The following WWP1 variants were observed in gnomAD, a reference collection of about 807,000 sequenced individuals.
WWP1 encodes the protein NEDD4-like E3 ubiquitin-protein ligase WWP1.
In WWP1, 49 loss-of-function variants were observed where a neutral mutation model predicts 130.6. That is an observed-to-expected ratio of 0.38 (90% CI 0.30 to 0.48). The LOEUF is 0.48. WWP1 is among the 20% of genes least tolerant of loss of function. The probability of loss-of-function intolerance (pLI) is 0.99; values close to 1 mark genes in which losing one functional copy is unlikely to be tolerated. For missense variants in WWP1, 809 were observed against 1,100.6 expected, an observed-to-expected ratio of 0.74 and a Z score of 3.75; for synonymous variants, 332 against 367.8, an observed-to-expected ratio of 0.90 and a Z score of 1.11.
intron 9 of WWP1, among the ~76,000 whole-genome samples, chr8:86,416,325 C>T (rs1458805459): frequency 1.3e-5 from 2 of 152,218 alleles, no homozygotes; most frequent in African/African-American, 4.8e-5. Flanking sequence ...ACATACAGAA[C>T]TGAGGGGTAG....
chr8:86,406,332 C>T (rs1808278198), intron 8 of WWP1, among the ~76,000 whole-genome samples: 1 of 152,072 alleles, frequency 6.6e-6, no homozygotes. Context: ...CCACTTTGTT[C>T]CTCTGGTCAT....
intron 9 of WWP1, among the ~76,000 whole-genome samples, chr8:86,424,008 C>T (rs140081592): frequency 0.21 from 29,014 of 136,194 alleles, 5,399 homozygotes; most frequent in African/African-American, 0.51. Flanking sequence ...CCCTCCCGGA[C>T]GGGGCAGCTG....
intron 3 of WWP1, among the ~76,000 whole-genome samples, chr8:86,376,132 C>T (rs996372440): frequency 1.3e-5 from 2 of 152,246 alleles, no homozygotes; most frequent in Non-Finnish European, 2.9e-5. Context: ...ATTCCTTCTA[C>T]TTTTGCTCTG....
chr8:86,468,397 T>C lies in WWP1; in HGVS notation c.*1504T>C. 1 of 452,196 alleles carries C rather than the reference T, an allele frequency of 2.2e-6. No individual in the cohort carries two copies. Among genetic ancestry groups the C allele is most frequent in the South Asian group, 1.6e-5 (1 of 62,968 alleles). 28.0% of individuals were successfully genotyped at this position (452,196 alleles called of 1,614,324 possible). On this transcript the variant is annotated 3_prime_UTR_variant, in exon 25 of 25. Coordinates refer to ENST00000517970, the MANE Select transcript of WWP1 (RefSeq NM_007013.4). ...AATAGACTCCTTTTCCAAATCCTTA[T>C]TATGAACACTCTGGTAATTTTCAAG...
chr8:86,443,973 G>C (rs1810729338), intron 18 of WWP1, among the ~76,000 whole-genome samples: 1 of 152,182 alleles, frequency 6.6e-6, no homozygotes, highest in African/African-American at 2.4e-5. Context: ...AGGGCAATGA[G>C]TGACCTGATC....
At chr8:86,390,109 A>G (rs1224791610) in intron 5 of WWP1, among the ~76,000 whole-genome samples, 1 of 148,738 alleles carries the variant, frequency 6.7e-6, no homozygotes. Context: ...GCGGCGGGGC[A>G]GAGGCGCTCC....
chr8:86,417,445 C>T (rs920967764), intron 9 of WWP1, among the ~76,000 whole-genome samples: 1 of 151,920 alleles, frequency 6.6e-6, no homozygotes. Flanking sequence ...ATAAGATAAC[C>T]GAAAGCAGTT....
At chr8:86,397,928 C>A (rs1402112698) in intron 5 of WWP1, among the ~76,000 whole-genome samples, 2 of 152,112 alleles carry the variant, frequency 1.3e-5, no homozygotes, top group Non-Finnish European at 2.9e-5. Flanking sequence ...AATTAAGAAA[C>A]CAAGGCTTAA....
At chr8:86,379,314 A>G (rs146788865) in intron 3 of WWP1, among the ~76,000 whole-genome samples, 15 of 152,276 alleles carry the variant, frequency 9.9e-5, no homozygotes, top group South Asian at 4.1e-4. Flanking sequence ...TTTAATTGCT[A>G]TGTTGCCGGT....
At chr8:86,377,486 C>T (rs562234580) in intron 3 of WWP1, among the ~76,000 whole-genome samples, 2 of 152,088 alleles carry the variant, frequency 1.3e-5, no homozygotes, top group African/African-American at 4.8e-5. Flanking sequence ...AACCGAGGTT[C>T]TCTGCCCTAA....
intron 9 of WWP1, among the ~76,000 whole-genome samples, chr8:86,417,943 T>A (rs1808980771): frequency 1.3e-5 from 2 of 152,144 alleles, no homozygotes; most frequent in Non-Finnish European, 2.9e-5. Context: ...AGACAAACAG[T>A]GGCCTTATGT....
intron 20 of WWP1, among the ~76,000 whole-genome samples, chr8:86,448,804 C>T (rs1361332679): frequency 6.6e-6 from 1 of 152,064 alleles, no homozygotes; most frequent in Non-Finnish European, 1.5e-5. Context: ...TTCCATGATC[C>T]TATGTCATAC....
chr8:86,363,915 C>T (rs1006302692), intron 1 of WWP1, among the ~76,000 whole-genome samples: 9 of 151,522 alleles, frequency 5.9e-5, no homozygotes, highest in African/African-American at 2.2e-4. Flanking sequence ...AAGTAGTGTA[C>T]GTGAAACACA....
Position 86,427,851 on chromosome 8 carries a change from TCCTC to T in WWP1, c.1332+39_1332+42del, listed in dbSNP as rs755626522. On this transcript the variant is annotated intron_variant, in intron 11 of 24. Coordinates refer to ENST00000517970, the MANE Select transcript of WWP1 (RefSeq NM_007013.4). Reference sequence around the variant, plus strand: ...CAAATTGTAAGATGTTAACATAACTTCCTCCCTCAGGTGTTTCTTTCTTTTTTTT... The same window carrying T: ...CAAATTGTAAGATGTTAACATAACTTCCTCAGGTGTTTCTTTCTTTTTTTT... The T allele has an allele frequency of 3.8e-6, 6 of 1,569,374 alleles. 1 individual carries two copies. The South Asian group carries it at 6.1e-5, about 16-fold the overall frequency.
chr8:86,401,970 GT>G, intron 7 of WWP1, 48 bp from the exon 8 acceptor site: 1 of 1,407,028 alleles, frequency 7.1e-7, no homozygotes, highest in Non-Finnish European at 9.4e-7. Context: ...CTCATGAAAT[GT>G]TGTTGAATTA....
intron 9 of WWP1, among the ~76,000 whole-genome samples, chr8:86,416,772 G>T (rs7017716): frequency 0.73 from 110,934 of 151,912 alleles, 41,363 homozygotes; most frequent in African/African-American, 0.82. Context: ...TTTGCACCTA[G>T]TTGAGGGGTG....
Position 86,369,047 on chromosome 8 carries a change from T to C in WWP1, c.-22+16T>C, listed in dbSNP as rs933025732. 6.6e-6 allele frequency: 1 copy of C among 152,184 alleles called. No individual in the cohort carries two copies. Among genetic ancestry groups the C allele is most frequent in the South Asian group, 2.1e-4 (1 of 4,828 alleles). The allele number at this position is 152,184 out of a possible 1,614,324, so 9.4% of individuals were successfully genotyped here. On this transcript the variant is annotated intron_variant, in intron 2 of 24. Coordinates refer to ENST00000517970, the MANE Select transcript of WWP1 (RefSeq NM_007013.4). ...CTGATACATAGTAAGTGGTTAACAATTTTTTTAAAACTAAGACTATAATTA... is the reference window on the plus strand; with the variant it reads ...CTGATACATAGTAAGTGGTTAACAACTTTTTTAAAACTAAGACTATAATTA...
intron 7 of WWP1, 118 bp from the exon 8 acceptor site, chr8:86,401,901 T>C: frequency 9.3e-7 from 1 of 1,076,070 alleles, no homozygotes; most frequent in South Asian, 2.6e-5. Flanking sequence ...TCTAAAAAAT[T>C]TTAAAAAAGA....
chr8:86,395,276 C>T (rs553523663), intron 5 of WWP1, among the ~76,000 whole-genome samples: 13 of 152,276 alleles, frequency 8.5e-5, no homozygotes, highest in African/African-American at 3.1e-4. Flanking sequence ...ATAAAGGCCG[C>T]ATATGGTTTC....
Sources: gnomAD v4.1 joint callset for allele counts (sites outside exome capture counted in the v4.1 genomes callset) on GRCh38, gnomAD v4.1.1 for gene constraint, MANE v1.5 for transcripts, NCBI Gene and HGNC (gene_info 2026-07-23, HGNC 2026-07-21) for gene names.